ANKMY1: variants seen among roughly 807,000 people sequenced by gnomAD.
The protein encoded by ANKMY1 is ankyrin repeat and MYND domain containing 1.
ANKMY1 carries 98 observed loss-of-function variants against 102.0 expected under a neutral mutation model. The ratio of observed to expected loss-of-function variants is 0.96; its 90% CI spans 0.82 to 1.14. The LOEUF (loss-of-function observed/expected upper bound fraction) is 1.14. Ranked by LOEUF, ANKMY1 falls within the 50% of genes most tolerant of loss-of-function variation. The pLI is 0.00. For missense variants in ANKMY1, 1,330 were observed against 1,347.6 expected, an observed-to-expected ratio of 0.99 and a Z score of 0.20; for synonymous variants, 582 against 559.9, an observed-to-expected ratio of 1.04 and a Z score of -0.56.
At chr2:240,481,419 G>A (rs1317609305) in intron 16 of ANKMY1, among the ~76,000 whole-genome samples, 15 of 152,188 alleles carry the variant, frequency 9.9e-5, no homozygotes. Flanking sequence ...ACGATGGTGC[G>A]GAACTCCTAG....
At chr2:240,470,341 T>G in the ANKMY1 span, among the ~76,000 whole-genome samples, 5 of 152,190 alleles carry the variant, frequency 3.3e-5, no homozygotes, top group Non-Finnish European at 7.4e-5. Context: ...GGTGGGATTC[T>G]GAGAGACCCC....
At chr2:240,556,585 A>G (rs2092371662) in intron 2 of ANKMY1, among the ~76,000 whole-genome samples, 1 of 152,208 alleles carries the variant, frequency 6.6e-6, no homozygotes, top group Non-Finnish European at 1.5e-5. Flanking sequence ...AAGTGTGCTC[A>G]ATAAACAGTG....
intron 4 of ANKMY1, among the ~76,000 whole-genome samples, chr2:240,531,434 C>T (rs747456669): frequency 3.3e-5 from 5 of 152,154 alleles, no homozygotes; most frequent in South Asian, 4.1e-4. Flanking sequence ...TCCAATCAAC[C>T]GTTCTGGGCA....
intron 4 of ANKMY1, among the ~76,000 whole-genome samples, chr2:240,549,854 A>T (rs936375793): frequency 5.3e-5 from 8 of 152,070 alleles, no homozygotes; most frequent in Non-Finnish European, 1.0e-4. Flanking sequence ...ATCATTAAAA[A>T]GTCAGGAAAC....
At chr2:240,486,859 C>T (rs1426616984) in intron 15 of ANKMY1, among the ~76,000 whole-genome samples, 1 of 152,112 alleles carries the variant, frequency 6.6e-6, no homozygotes, top group Non-Finnish European at 1.5e-5. Context: ...TCTTGAGTCT[C>T]CTCTAACAAC....
chr2:240,529,440 C>T lies in ANKMY1; in HGVS notation c.550G>A (p.Gly184Arg). 6.2e-7 allele frequency: 1 copy of T among 1,614,116 alleles called. No homozygotes were observed. ...ETYPDGSQDV[G>R]LWFREQLIKL... ...ATGAGCTGCTCTCGGAACCACAGCCCCACGTCCTGGCTGCCATCGGGGTAG... is the reference window on the plus strand; with the variant it reads ...ATGAGCTGCTCTCGGAACCACAGCCTCACGTCCTGGCTGCCATCGGGGTAG... Residue 184 changes from glycine (G) to arginine (R), a missense_variant, in exon 5 of 18, where the codon GGG (glycine) becomes AGG (arginine). By Grantham distance (125) the Gly-to-Arg change is moderately radical. Transcript: ENST00000401804. This position sits in a 1 kb window ranked among gnomAD's most constrained non-coding sequence, Gnocchi z 4.2.
At chr2:240,546,361 C>T (rs1414015776) in intron 4 of ANKMY1, among the ~76,000 whole-genome samples, 26 of 152,034 alleles carry the variant, frequency 1.7e-4, no homozygotes, top group Non-Finnish European at 3.2e-4. Context: ...CTGAAGGAAG[C>T]GCTAAACATG....
chr2:240,473,123 T>TAAAAAAAAAAAAAA, the ANKMY1 span, among the ~76,000 whole-genome samples: 8 of 108,460 alleles, frequency 7.4e-5, no homozygotes, highest in Admixed American at 2.9e-4. Context: ...AAACTCTGTC[T>TAAAAAAAAAAAAAA]AAAAAAAAAA....
Position 240,499,847 on chromosome 2 carries a change from GA to G in ANKMY1, c.2806+110del. ...GACAAGCCGACGAGCCCAGCCCCAG[GA>G]AGGCCCCTCCAAGAGCCCCAGGGGG... is the stretch of plus-strand genomic sequence containing the variant. On this transcript the variant is annotated intron_variant, in intron 15 of 17. Coordinates refer to ENST00000401804, the MANE Select transcript of ANKMY1 (RefSeq NM_001282771.3). The surrounding 1 kb of genome is among the most constrained non-coding windows in gnomAD (Gnocchi z 4.2). The G allele has an allele frequency of 1.5e-6, 2 of 1,364,304 alleles. No homozygotes were observed. The highest frequency in any genetic ancestry group is 3.1e-5 in the South Asian group (2 of 64,682). The allele number at this position is 1,364,304 out of a possible 1,614,324, so 84.5% of individuals were successfully genotyped here. A position where few individuals can be genotyped will look rare whatever the true frequency, so the allele number is the denominator to read the frequency against.
intron 11 of ANKMY1, 27 bp from the exon 12 acceptor site, chr2:240,509,482 A>G (rs373036321): frequency 1.4e-4 from 219 of 1,530,194 alleles, no homozygotes; most frequent in Non-Finnish European, 1.9e-4. Flanking sequence ...GACAGGTTAG[A>G]GAGGCACCCC....
chr2:240,501,926 T>A (rs1004698124), intron 13 of ANKMY1, among the ~76,000 whole-genome samples: 22 of 152,178 alleles, frequency 1.4e-4, no homozygotes, highest in African/African-American at 5.1e-4. Context: ...GAGACCCCCA[T>A]CGTCTTCACT....
intron 4 of ANKMY1, among the ~76,000 whole-genome samples, chr2:240,544,117 C>T (rs1049100713): frequency 5.3e-5 from 8 of 151,960 alleles, no homozygotes; most frequent in African/African-American, 1.9e-4. Context: ...TAGAAAGGAA[C>T]CAGTAAGTAG....
At chr2:240,545,212 GAGCAGCCTAACTGGGAGGCACCCCCC>G (rs1401468348) in intron 4 of ANKMY1, among the ~76,000 whole-genome samples, 1 of 152,160 alleles carries the variant, frequency 6.6e-6, no homozygotes, top group African/African-American at 2.4e-5. Context: ...CTGACCCCCC[GAGCAGCCTAACTGGGAGGCACCCCCC>G]AGCAGGGGCA....
chr2:240,524,099 C>G lies in ANKMY1; in HGVS notation c.1618G>C (p.Asp540His), dbSNP rs1169827570. The change falls in exon 8 of 18, where the codon GAC becomes CAC. Residue 540 changes from aspartate to histidine, a missense_variant. By Grantham distance (81) the Asp-to-His change is moderately conservative. Coordinates refer to ENST00000401804, the MANE Select transcript of ANKMY1 (RefSeq NM_001282771.3). ...CCCCGGTCTGTGTTTCCCAACACGT[C>G]CTCAAGCCCGCTTTCCACATGGCCA... ...SLGHVESGLE[D>H]VLGNTDRGSL... 6.2e-7 allele frequency: 1 copy of G among 1,613,986 alleles called. No homozygotes were observed. Among genetic ancestry groups the G allele is most frequent in the African/African-American group, 1.3e-5 (1 of 74,944 alleles).
At chr2:240,555,477 A>C in intron 2 of ANKMY1, 1 of 201,622 alleles carries the variant, frequency 5.0e-6, no homozygotes, top group African/African-American at 2.3e-5. Context: ...GACTGCCCAC[A>C]CATGTGGACC....
At position 240,520,476 on chromosome 2, in the gene ANKMY1, G is replaced by T; in HGVS notation, c.1890C>A (p.Asn630Lys). 1 of 1,613,410 alleles carries T rather than the reference G, an allele frequency of 6.2e-7. No individual in the cohort carries two copies. Among genetic ancestry groups the T allele is most frequent in the Non-Finnish European group, 8.5e-7 (1 of 1,179,762 alleles). Residue 630 changes from asparagine (N) to lysine (K), a missense_variant, in exon 9 of 18, where the codon AAC (asparagine) becomes AAA (lysine). Transcript: ENST00000401804. The surrounding 1 kb of genome is among the most constrained non-coding windows in gnomAD (Gnocchi z 4.8). ...GGACCTGCATGGGCACGCAGCACAG[G>T]TTGGGGTCCGCGCCCCGGCGCAGCA... ...KLLLRRGADP[N>K]LCCVPMQVLF...
At chr2:240,560,804 G>GGC (rs2092919204), upstream of ANKMY1, 3 of 1,443,002 alleles carry the variant, frequency 2.1e-6, no homozygotes, top group Non-Finnish European at 2.7e-6. Context: ...AGGAGCAGCT[G>GGC]GCGCGCGCGG....
In ANKMY1 at chr2:240,512,915, C is replaced by A; in HGVS notation, c.2032G>T (p.Ala678Ser). The change falls in exon 10 of 18, where the codon GCT (alanine) becomes TCT (serine). Residue 678 changes from alanine (A) to serine (S), a missense_variant. By Grantham distance (99) the Ala-to-Ser change is moderately conservative. Transcript: ENST00000401804. The stretch of plus-strand genomic sequence containing the variant: ...CCCTCCTCCCCAGGAAGGGCGGCAG[C>A]GATGTGGAGTGGTGTCAGGGTGCTC... ...QLSTLTPLHIAAALPGEEGVQ... is the reference protein window; with the variant it reads ...QLSTLTPLHISAALPGEEGVQ... 6.2e-7 allele frequency: 1 copy of A among 1,613,732 alleles called. No individual in the cohort carries two copies.
upstream of ANKMY1, chr2:240,560,660 A>G: frequency 6.7e-7 from 1 of 1,491,530 alleles, no homozygotes; most frequent in Non-Finnish European, 8.8e-7. Flanking sequence ...CTCAGGGCCC[A>G]AAAGCAGACT....
Sources: gnomAD v4.1 joint callset for allele counts (sites outside exome capture counted in the v4.1 genomes callset) on GRCh38, gnomAD v4.1.1 for gene constraint, Gnocchi (gnomAD v3.1) non-coding constraint, MANE v1.5 for transcripts, NCBI Gene and HGNC (gene_info 2026-07-23, HGNC 2026-07-21) for gene names.